IDH2: variants seen among roughly 807,000 people sequenced by gnomAD.
IDH2 encodes the protein isocitrate dehydrogenase [NADP], mitochondrial.
Under a neutral mutation model 50.5 loss-of-function variants are expected in IDH2, and 18 were observed. The ratio of observed to expected loss-of-function variants is 0.36; its 90% CI spans 0.25 to 0.53. The LOEUF (loss-of-function observed/expected upper bound fraction) is 0.53, where lower values mean the gene tolerates loss of function less well. Ranked by LOEUF, IDH2 falls within the 20% of genes least tolerant of loss-of-function variation. IDH2 has a pLI of 0.92. For missense variants in IDH2, 518 were observed against 610.7 expected (o/e 0.85, Z 1.60); for synonymous variants, 280 against 239.8 (o/e 1.17, Z -1.55).
chr15:90,091,350 G>A (rs1157337620), intron 2 of IDH2, among the ~76,000 whole-genome samples: 1 of 152,236 alleles, frequency 6.6e-6, no homozygotes, highest in East Asian at 1.9e-4. Flanking sequence ...GACTGCTGGG[G>A]ACAGGCCCCC....
At chr15:90,088,906 A>ATTTTTTT (rs57901991) in intron 3 of IDH2, among the ~76,000 whole-genome samples, 159 bp from the exon 4 acceptor site, 2 of 96,486 alleles carry the variant, frequency 2.1e-5, no homozygotes, top group Non-Finnish European at 4.2e-5. Context: ...GAGTCTGCCA[A>ATTTTTTT]TTTTTTTTTT....
chr15:90,088,547 G>C (rs2151549413), intron 4 of IDH2, 40 bp downstream of exon 4: 3 of 1,614,202 alleles, frequency 1.9e-6, no homozygotes, highest in Non-Finnish European at 2.5e-6. Flanking sequence ...CCAGTCGGGG[G>C]GTGCCCAGGT....
In IDH2 at chr15:90,100,208, G is replaced by A. The variant is rs538916543; in HGVS notation, c.115+2068C>T. Reference sequence around the variant, plus strand: ...CAATCTGCTGGTATTTTTAACATGGGTTTACAGAGTATAAACCCCAGGGAA... The same window carrying A: ...CAATCTGCTGGTATTTTTAACATGGATTTACAGAGTATAAACCCCAGGGAA... On this transcript the variant is annotated intron_variant, in intron 1 of 10. Transcript: ENST00000330062. This position sits in a 1 kb window ranked among gnomAD's most constrained non-coding sequence, Gnocchi z 4.1. Among the ~76,000 whole-genome samples, 61 of 152,216 alleles carry A rather than the reference G, an allele frequency of 4.0e-4. No individual in the cohort carries two copies. Among genetic ancestry groups the A allele is most frequent in the South Asian group, 1.9e-3 (9 of 4,824 alleles).
chr15:90,087,584 GGA>G lies in IDH2; in HGVS notation c.679-11_679-10del. ...GCAAAACCTGAGATGGACTGCAGGG[GGA>G]GAGACAGGGCCCTGGCGTGGTGCCC... On this transcript the variant is annotated splice_polypyrimidine_tract_variant and intron_variant, in intron 5 of 10. Coordinates refer to ENST00000330062, the MANE Select transcript of IDH2 (RefSeq NM_002168.4). The G allele has an allele frequency of 1.2e-6, 2 of 1,612,796 alleles. No homozygotes were observed. Among genetic ancestry groups the G allele is most frequent in the Non-Finnish European group, 1.7e-6 (2 of 1,180,022 alleles).
chr15:90,087,680 G>A, intron 5 of IDH2, 105 bp from the exon 6 acceptor site: 2 of 1,310,098 alleles, frequency 1.5e-6, no homozygotes, highest in Non-Finnish European at 2.2e-6. Context: ...ACGGTACCCC[G>A]CCGCCCACGC....
At chr15:90,087,316 G>A in intron 6 of IDH2, 53 bp from the exon 7 acceptor site, 2 of 1,613,328 alleles carry the variant, frequency 1.2e-6, no homozygotes, top group South Asian at 2.2e-5. Context: ...GACAGGTTGG[G>A]GATCCCTCCC....
chr15:90,100,811 T>A lies in IDH2; in HGVS notation c.115+1465A>T. On this transcript the variant is annotated intron_variant, in intron 1 of 10. Transcript: ENST00000330062. This position sits in a 1 kb window ranked among gnomAD's most constrained non-coding sequence, Gnocchi z 4.1. ...CTCCAACACCAAGCAATTTCCCCATTCATAACCAACCCACATGGGGACTTC... is the reference window on the plus strand; with the variant it reads ...CTCCAACACCAAGCAATTTCCCCATACATAACCAACCCACATGGGGACTTC... The A allele has an allele frequency of 4.9e-6, 1 of 202,252 alleles. No individual in the cohort carries two copies. Among genetic ancestry groups the A allele is most frequent in the Non-Finnish European group, 8.8e-6 (1 of 113,708 alleles). 12.5% of individuals were successfully genotyped at this position (202,252 alleles called of 1,614,324 possible).
intron 1 of IDH2, among the ~76,000 whole-genome samples, chr15:90,093,613 T>TTA (rs66596948): frequency 0.03 from 3,818 of 126,050 alleles, 53 homozygotes; most frequent in East Asian, 0.074. Flanking sequence ...TTAATTAATT[T>TTA]ATTTATTTAT....
In IDH2 at chr15:90,098,437, CAG is replaced by C. The variant is rs1274116745; in HGVS notation, c.115+3837_115+3838del. Among the ~76,000 whole-genome samples, 4 of 152,116 alleles carry C rather than the reference CAG, an allele frequency of 2.6e-5. No individual in the cohort carries two copies. Among genetic ancestry groups the C allele is most frequent in the African/African-American group, 7.2e-5 (3 of 41,398 alleles). On this transcript the variant is annotated intron_variant, in intron 1 of 10. Transcript: ENST00000330062. This position sits in a 1 kb window ranked among gnomAD's most constrained non-coding sequence, Gnocchi z 5.1. ...CAGTCAGCATGTCCCAGCAAAAGAT[CAG>C]AGAGTGGGGAAAGGTTCCAATTCCT...
At position 90,098,535 on chromosome 15, in the gene IDH2, T is replaced by TATGTATGTATGC. The variant is rs1272169170; in HGVS notation, c.115+3740_115+3741insGCATACATACAT. ...GTATGTATGTATGTATGCATGCATG[T>TATGTATGTATGC]ATGTATGTATGTATGTATGTATGTA... On this transcript the variant is annotated intron_variant, in intron 1 of 10. Coordinates refer to ENST00000330062, the MANE Select transcript of IDH2 (RefSeq NM_002168.4). The surrounding 1 kb of genome is among the most constrained non-coding windows in gnomAD (Gnocchi z 5.1). Among the ~76,000 whole-genome samples, 1,880 of 142,468 alleles carry TATGTATGTATGC rather than the reference T, an allele frequency of 0.013. 34 individuals carry two copies. Among genetic ancestry groups the TATGTATGTATGC allele is most frequent in the African/African-American group, 0.049 (1,795 of 36,870 alleles). The allele number at this position is 142,468 out of a possible 152,430, so 93.5% of individuals were successfully genotyped here.
Position 90,084,247 on chromosome 15 carries a change from C to A in IDH2, c.*19G>T. On this transcript the variant is annotated 3_prime_UTR_variant, in exon 11 of 11. Coordinates refer to ENST00000330062, the MANE Select transcript of IDH2 (RefSeq NM_002168.4). The surrounding 1 kb of genome is among the most constrained non-coding windows in gnomAD (Gnocchi z 5.0). ...CTCAGCCCTGGCCCCTCCACTGCAG[C>A]CATGGGTGGCGCCTCCCCCTACTGC... 1 of 1,610,810 alleles carries A rather than the reference C, an allele frequency of 6.2e-7. No homozygotes were observed. The highest frequency in any genetic ancestry group is 8.5e-7 in the Non-Finnish European group (1 of 1,178,002).
rs1901258572 is a variant in IDH2 at position 90,098,871 on chromosome 15, G to T, written c.115+3405C>A. Among the ~76,000 whole-genome samples the T allele has an allele frequency of 6.6e-6, 1 of 152,058 alleles. No homozygotes were observed. Among genetic ancestry groups the T allele is most frequent in the African/African-American group, 2.4e-5 (1 of 41,396 alleles). On this transcript the variant is annotated intron_variant, in intron 1 of 10. Transcript: ENST00000330062. The surrounding 1 kb of genome is among the most constrained non-coding windows in gnomAD (Gnocchi z 5.1). ...GGAACAAACTCTAGTAGACTCCTTG[G>T]TGTCATCCTTCATTCCTTCCCTTCT...
At chr15:90,097,640 T>G (rs369264344) in intron 1 of IDH2, among the ~76,000 whole-genome samples, 2 of 151,442 alleles carry the variant, frequency 1.3e-5, no homozygotes, top group South Asian at 2.1e-4. Flanking sequence ...AAACAGAAAG[T>G]AAAAAGGTGG....
At chr15:90,095,033 A>T (rs934738837) in intron 1 of IDH2, among the ~76,000 whole-genome samples, 27 of 152,196 alleles carry the variant, frequency 1.8e-4, no homozygotes, top group Admixed American at 2.6e-4. Context: ...AACAGACCTC[A>T]AACAACTGAC....
rs935057402 is a variant in IDH2 at position 90,085,027 on chromosome 15, C to G, written c.1152G>C (p.Lys384Asn). ...TGATGAGGTCTTGGTTCCCATCCAG[C>G]TTCCCCCGGTGCTCCAGGCCACGTG... ...AWTRGLEHRG[K>N]LDGNQDLIRF... is the part of the protein sequence containing the mutation. Residue 384 changes from lysine to asparagine, a missense_variant, in exon 9 of 11, where the codon AAG becomes AAC. By Grantham distance (94) the Lys-to-Asn change is moderately conservative (BLOSUM62 0). Around this residue, in one of 5 missense-constraint regions of IDH2, gnomAD observed 135 missense variants for 167.6 expected, o/e 0.81. Coordinates refer to ENST00000330062, the MANE Select transcript of IDH2 (RefSeq NM_002168.4). This position sits in a 1 kb window ranked among gnomAD's most constrained non-coding sequence, Gnocchi z 5.5. 1.9e-6 allele frequency: 3 copies of G among 1,613,908 alleles called. No individual in the cohort carries two copies. In the African/African-American group the frequency reaches 4.0e-5, roughly 22 times the overall value.
At chr15:90,093,166 A>AG (rs1466118543) in intron 1 of IDH2, among the ~76,000 whole-genome samples, 1 of 152,162 alleles carries the variant, frequency 6.6e-6, no homozygotes, top group Admixed American at 6.5e-5. Flanking sequence ...GTTCCTAAGG[A>AG]GGGCCTGGGT....
In IDH2 at chr15:90,100,513, T is replaced by A; in HGVS notation, c.115+1763A>T. On this transcript the variant is annotated intron_variant, in intron 1 of 10. Transcript: ENST00000330062. The surrounding 1 kb of genome is among the most constrained non-coding windows in gnomAD (Gnocchi z 4.1). The stretch of plus-strand genomic sequence containing the variant: ...GGGTTAGGAGTGAAGGAAGGCTAGA[T>A]AAGTAATTCTGCCACTGAGCCGTTC... The A allele has an allele frequency of 2.3e-6, 1 of 427,134 alleles. No homozygotes were observed. The highest frequency in any genetic ancestry group is 3.1e-6 in the Non-Finnish European group (1 of 319,712). The allele number at this position is 427,134 out of a possible 1,614,324, so 26.5% of individuals were successfully genotyped here.
chr15:90,084,689 G>T lies in IDH2; in HGVS notation c.1271+127C>A. 1.2e-6 allele frequency: 1 copy of T among 817,100 alleles called. No individual in the cohort carries two copies. Among genetic ancestry groups the T allele is most frequent in the Non-Finnish European group, 2.1e-6 (1 of 473,200 alleles). The allele number at this position is 817,100 out of a possible 1,614,324, so 50.6% of individuals were successfully genotyped here. A position where few individuals can be genotyped will look rare whatever the true frequency, so the allele number is the denominator to read the frequency against. ...GAGGCTGGCCTGAGCAGTCTCTCAG[G>T]GCTGTGGACATGTCCTGCCCCAGGC... On this transcript the variant is annotated intron_variant, in intron 10 of 10. Transcript: ENST00000330062. This position sits in a 1 kb window ranked among gnomAD's most constrained non-coding sequence, Gnocchi z 5.0.
In IDH2 at chr15:90,098,323, G is replaced by T. The variant is rs945456345; in HGVS notation, c.115+3953C>A. ...CCCTGGCTTCTTGCTGCTCCCAGCA[G>T]GAGGCTAGAGGTCCAGCCGCAGGCA... On this transcript the variant is annotated intron_variant, in intron 1 of 10. Coordinates refer to ENST00000330062, the MANE Select transcript of IDH2 (RefSeq NM_002168.4). The surrounding 1 kb of genome is among the most constrained non-coding windows in gnomAD (Gnocchi z 5.1). Among the ~76,000 whole-genome samples, 1 of 152,160 alleles carries T rather than the reference G, an allele frequency of 6.6e-6. No homozygotes were observed. Among genetic ancestry groups the T allele is most frequent in the Admixed American group, 6.5e-5 (1 of 15,276 alleles).
Sources: gnomAD v4.1 joint callset for allele counts (sites outside exome capture counted in the v4.1 genomes callset) on GRCh38, gnomAD v4.1.1 for gene constraint, gnomAD v4.1.1 regional missense constraint, Gnocchi (gnomAD v3.1) non-coding constraint, MANE v1.5 for transcripts, NCBI Gene and HGNC (gene_info 2026-07-23, HGNC 2026-07-21) for gene names.